SPEF2: variants seen among roughly 807,000 people sequenced by gnomAD.
SPEF2 encodes the protein sperm flagellar and cilia associated 2, also known as sperm flagella and cilia-associated protein 2.
SPEF2 carries 187 observed loss-of-function variants against 224.6 expected under a neutral mutation model. That is an observed-to-expected ratio of 0.83 (90% confidence interval 0.74 to 0.94). The LOEUF (loss-of-function observed/expected upper bound fraction) is 0.94. Ranked by LOEUF, SPEF2 falls within the 40% of genes least tolerant of loss-of-function variation. The probability of loss-of-function intolerance (pLI) is 0.00; values close to 1 mark genes in which losing one functional copy is unlikely to be tolerated. For synonymous variants in SPEF2, 715 were observed against 707.3 expected (o/e 1.01, Z -0.17); for missense variants, 2,170 against 2,135.6 (o/e 1.02, Z -0.32).
At position 35,644,347 on chromosome 5, in the gene SPEF2, TCA is replaced by T. The variant is rs1290907077; in HGVS notation, c.415-7_415-6del. The T allele has an allele frequency of 6.7e-7, 1 of 1,492,892 alleles. No homozygotes were observed. Among genetic ancestry groups the T allele is most frequent in the African/African-American group, 1.4e-5 (1 of 70,766 alleles). The allele number at this position is 1,492,892 out of a possible 1,614,324, so 92.5% of individuals were successfully genotyped here. A position where few individuals can be genotyped will look rare whatever the true frequency, so the allele number is the denominator to read the frequency against. On this transcript the variant is annotated splice_region_variant and splice_polypyrimidine_tract_variant and intron_variant, in intron 3 of 36. Transcript: ENST00000356031. ...AATAAAATCTTTTGAAATGCTTTTT[TCA>T]TTTAGAGACTTAGACACATGATACC... is the stretch of plus-strand genomic sequence containing the variant.
At chr5:35,619,156 C>G (rs1743111145) in intron 1 of SPEF2, among the ~76,000 whole-genome samples, 1 of 152,196 alleles carries the variant, frequency 6.6e-6, no homozygotes, top group South Asian at 2.1e-4. Context: ...TACACACTCC[C>G]TGTGAACTGC....
At chr5:35,728,404 T>C (rs1745049067) in intron 21 of SPEF2, among the ~76,000 whole-genome samples, 1 of 152,178 alleles carries the variant, frequency 6.6e-6, no homozygotes, top group African/African-American at 2.4e-5. Flanking sequence ...GCTTGACAGA[T>C]GAATTCTCAG....
chr5:35,714,680 T>TTTATTTA (rs1742168446), intron 20 of SPEF2, among the ~76,000 whole-genome samples: 96 of 134,562 alleles, frequency 7.1e-4, no homozygotes, highest in Middle Eastern at 3.7e-3. Context: ...TTGGGTTTAT[T>TTTATTTA]TTTATTTATT....
At chr5:35,743,026 A>G (rs1285929048) in intron 23 of SPEF2, among the ~76,000 whole-genome samples, 1 of 151,448 alleles carries the variant, frequency 6.6e-6, no homozygotes, top group Admixed American at 6.6e-5. Context: ...TATTTTTTTC[A>G]GAAAGTTAAT....
At chr5:35,744,564 G>T (rs938803083) in intron 23 of SPEF2, among the ~76,000 whole-genome samples, 5 of 152,120 alleles carry the variant, frequency 3.3e-5, no homozygotes, top group African/African-American at 1.2e-4. Context: ...CTGAGTCCGT[G>T]GGAGAAAAAG....
Position 35,804,525 on chromosome 5 carries a change from A to G in SPEF2, c.5011-2182A>G, listed in dbSNP as rs565489513. Among the ~76,000 whole-genome samples the G allele has an allele frequency of 4.3e-4, 66 of 152,232 alleles. 1 individual carries two copies. The highest frequency in any genetic ancestry group is 3.4e-3 in the Middle Eastern group (1 of 294). The stretch of plus-strand genomic sequence containing the variant: ...CACACGTTTCCCTCTCTGCAGGACC[A>G]TGCCAACTTCTTCAGTTTGATCTCA... On this transcript the variant is annotated intron_variant, in intron 34 of 36. Transcript: ENST00000356031.
At chr5:35,741,545 A>G (rs1747640849) in intron 23 of SPEF2, among the ~76,000 whole-genome samples, 1 of 152,186 alleles carries the variant, frequency 6.6e-6, no homozygotes, top group Non-Finnish European at 1.5e-5. Flanking sequence ...GGAGGTTATT[A>G]TGAGAATATA....
chr5:35,666,714 C>T (rs1750521354), intron 8 of SPEF2, among the ~76,000 whole-genome samples: 1 of 152,158 alleles, frequency 6.6e-6, no homozygotes, highest in South Asian at 2.1e-4. Flanking sequence ...TGCTTAGGGT[C>T]TGGCACAAAC....
intron 12 of SPEF2, among the ~76,000 whole-genome samples, chr5:35,693,547 C>A (rs76259193): frequency 6.6e-6 from 1 of 151,962 alleles, no homozygotes; most frequent in Non-Finnish European, 1.5e-5. Flanking sequence ...AAAATGTAGC[C>A]CCACCTTCAG....
chr5:35,795,922 A>G (rs1756598707), intron 33 of SPEF2, 127 bp downstream of exon 33: 1 of 803,376 alleles, frequency 1.2e-6, no homozygotes, highest in East Asian at 2.5e-5. Context: ...TGCCTCTCCA[A>G]AGTGCAGACC....
At chr5:35,797,004 T>G (rs1157727788) in intron 33 of SPEF2, among the ~76,000 whole-genome samples, 1 of 152,200 alleles carries the variant, frequency 6.6e-6, no homozygotes. Flanking sequence ...CTGTATATGC[T>G]TTTATGAACA....
At chr5:35,646,473 T>C in intron 4 of SPEF2, 194 bp from the exon 5 acceptor site, 1 of 456,206 alleles carries the variant, frequency 2.2e-6, no homozygotes. Flanking sequence ...TGTGTTTTAA[T>C]ATCATGCTTT....
intron 3 of SPEF2, 100 bp downstream of exon 3, chr5:35,641,783 A>G: frequency 7.8e-7 from 1 of 1,274,804 alleles, no homozygotes; most frequent in African/African-American, 1.5e-5. Flanking sequence ...CATTAGGCAT[A>G]TATATCCTTT....
chr5:35,788,737 A>G, intron 30 of SPEF2: 1 of 703,050 alleles, frequency 1.4e-6, no homozygotes, highest in Non-Finnish European at 2.6e-6. Flanking sequence ...TAAGAGAAAT[A>G]CAACCATGTG....
rs77213490 is a variant in SPEF2 at position 35,785,200 on chromosome 5, G to A, written c.4447+5854G>A. On this transcript the variant is annotated intron_variant, in intron 30 of 36. Transcript: ENST00000356031. Reference sequence around the variant, plus strand: ...TAGGGATTACAGCAAAGAGGACTATGGCCCCCACCTGCCTTTGCTTCCTTC... The same window carrying A: ...TAGGGATTACAGCAAAGAGGACTATAGCCCCCACCTGCCTTTGCTTCCTTC... 2.8e-4 allele frequency among the ~76,000 whole-genome samples: 43 copies of A among 152,284 alleles called. No individual in the cohort carries two copies. In the East Asian group the frequency reaches 8.1e-3, roughly 29 times the overall value.
At chr5:35,771,197 A>C (rs1752807302) in intron 26 of SPEF2, among the ~76,000 whole-genome samples, 1 of 152,214 alleles carries the variant, frequency 6.6e-6, no homozygotes, top group East Asian at 1.9e-4. Flanking sequence ...TTATCAAAAA[A>C]GGTTAAGAAA....
chr5:35,750,158 G>A (rs59755787), intron 23 of SPEF2, among the ~76,000 whole-genome samples: 42,809 of 151,910 alleles, frequency 0.28, 6,134 homozygotes, highest in South Asian at 0.32. Context: ...CACTTGTAGA[G>A]GAATGAAACT....
chr5:35,705,506 C>A, intron 17 of SPEF2, 145 bp from the exon 18 acceptor site: 1 of 560,092 alleles, frequency 1.8e-6, no homozygotes, highest in Non-Finnish European at 2.9e-6. Context: ...CTTCTTTAAT[C>A]TAAAATAAAT....
chr5:35,800,225 CT>C lies in SPEF2; in HGVS notation c.5010+79del. The C allele has an allele frequency of 3.4e-6, 5 of 1,458,400 alleles. No individual in the cohort carries two copies. The East Asian group carries it at 9.2e-5, about 27-fold the overall frequency. 90.3% of individuals were successfully genotyped at this position (1,458,400 alleles called of 1,614,324 possible). A position where few individuals can be genotyped will look rare whatever the true frequency, so the allele number is the denominator to read the frequency against. On this transcript the variant is annotated intron_variant, in intron 34 of 36. Transcript: ENST00000356031. ...AGATCCTAAACTGACAACAAGGACT[CT>C]ATTATTTTCATCTCCGTATTTTCCT...
Sources: allele counts gnomAD v4.1 joint callset (sites outside exome capture counted in the v4.1 genomes callset), GRCh38; gene constraint gnomAD v4.1.1; transcripts MANE v1.5; gene names NCBI Gene and HGNC (gene_info 2026-07-23, HGNC 2026-07-21).